TNRC6B: variants seen among roughly 807,000 people sequenced by gnomAD.
The protein encoded by TNRC6B is trinucleotide repeat-containing gene 6B protein.
Under a neutral mutation model 203.6 loss-of-function variants are expected in TNRC6B, and 52 were observed. The ratio of observed to expected loss-of-function variants is 0.26; its 90% CI spans 0.20 to 0.32. TNRC6B has a LOEUF of 0.32. TNRC6B is among the 10% of genes least tolerant of loss of function. The probability of loss-of-function intolerance (pLI) is 1.00; values close to 1 mark genes in which losing one functional copy is unlikely to be tolerated. For missense variants in TNRC6B, 1,923 were observed against 2,286.2 expected (o/e 0.84, Z 3.24); for synonymous variants, 838 against 845.7 (o/e 0.99, Z 0.16).
rs1296431454 is a variant in TNRC6B, at chr22:40,285,719, T to C, written c.3657T>C (p.Asn1219=). Residue 1219 remains asparagine (N), a synonymous_variant, in exon 12 of 23, where the codon AAT becomes AAC. Transcript: ENST00000454349. ...TGCACACACCCGTGCAGCCACTAAA[T>C]TCTTCTCCCAGTCTCCGGGCGCAAG... The part of the protein sequence containing the change: ...RGLHTPVQPL[N]SSPSLRAQVP... The C allele has an allele frequency of 1.8e-5, 29 of 1,614,010 alleles. 1 individual carries two copies. The South Asian group carries it at 2.7e-4, about 15-fold the overall frequency.
intron 20 of TNRC6B, 148 bp from the exon 21 acceptor site, chr22:40,315,794 G>A (rs1260981860): frequency 2.9e-6 from 2 of 692,966 alleles, no homozygotes; most frequent in East Asian, 2.7e-5. Flanking sequence ...GGGACCAGTA[G>A]AAGAGAAAAA....
chr22:40,301,394 G>C (rs990360319), intron 15 of TNRC6B, 61 bp downstream of exon 15: 90 of 1,529,680 alleles, frequency 5.9e-5, no homozygotes, highest in Non-Finnish European at 7.4e-5. Flanking sequence ...CCTGTGGTAG[G>C]GGTTGCACCT....
chr22:40,195,531 T>G lies in TNRC6B; in HGVS notation c.5+17391T>G, dbSNP rs137957425. Among the ~76,000 whole-genome samples the G allele has an allele frequency of 2.6e-3, 389 of 150,682 alleles. 2 individuals are homozygous for G. Among genetic ancestry groups the G allele is most frequent in the African/African-American group, 8.2e-3 (337 of 40,918 alleles). On this transcript the variant is annotated intron_variant, in intron 1 of 22. Coordinates refer to ENST00000454349, the MANE Select transcript of TNRC6B (RefSeq NM_001162501.2). The stretch of plus-strand genomic sequence containing the variant: ...AGGCTGGAGTGCAATGGCACGATCT[T>G]AGCTCACTACAGCCTCAAACTGGAG...
At chr22:40,202,898 T>G (rs1407822606) in intron 1 of TNRC6B, among the ~76,000 whole-genome samples, 2 of 152,176 alleles carry the variant, frequency 1.3e-5, no homozygotes, top group Non-Finnish European at 2.9e-5. Flanking sequence ...TCCACACATT[T>G]TGTCTTTTCT....
intron 1 of TNRC6B, among the ~76,000 whole-genome samples, chr22:40,199,207 A>G (rs1341044496): frequency 6.6e-6 from 1 of 152,144 alleles, no homozygotes; most frequent in East Asian, 1.9e-4. Context: ...AGCTTCACCT[A>G]CTTTGTAAGA....
chr22:40,059,275 A>C (rs540055842), intron 1 of TNRC6B, among the ~76,000 whole-genome samples: 1 of 152,312 alleles, frequency 6.6e-6, no homozygotes, highest in South Asian at 2.1e-4. Context: ...CGCCTCCTTC[A>C]TTTGGATATA....
chr22:40,275,242 C>T (rs1167062377), intron 7 of TNRC6B, among the ~76,000 whole-genome samples: 1 of 152,212 alleles, frequency 6.6e-6, no homozygotes, highest in Non-Finnish European at 1.5e-5. Flanking sequence ...AACTTTTCAG[C>T]ATTCCTTGCA....
intron 1 of TNRC6B, among the ~76,000 whole-genome samples, chr22:40,193,722 T>C (rs994079163): frequency 1.3e-5 from 2 of 152,104 alleles, no homozygotes; most frequent in Non-Finnish European, 2.9e-5. Context: ...AATATGGAAA[T>C]GGAGGGAAGG....
intron 1 of TNRC6B, among the ~76,000 whole-genome samples, chr22:40,088,933 C>G (rs1038294360): frequency 6.6e-6 from 1 of 151,978 alleles, no homozygotes; most frequent in Non-Finnish European, 1.5e-5. Flanking sequence ...CTCACTAATT[C>G]GAACTTTACA....
At chr22:40,187,963 T>C (rs2146389696) in intron 1 of TNRC6B, among the ~76,000 whole-genome samples, 1 of 152,314 alleles carries the variant, frequency 6.6e-6, no homozygotes, top group Non-Finnish European at 1.5e-5. Flanking sequence ...CTCACGCCTG[T>C]AGTCCCAGCA....
chr22:40,120,867 C>T (rs1186533761), intron 2 of TNRC6B, among the ~76,000 whole-genome samples: 1 of 152,150 alleles, frequency 6.6e-6, no homozygotes, highest in Non-Finnish European at 1.5e-5. Context: ...CGCCCACCAC[C>T]ACTAGTCTGG....
At chr22:40,286,533 G>C (rs2070785027) in intron 12 of TNRC6B, among the ~76,000 whole-genome samples, 1 of 151,992 alleles carries the variant, frequency 6.6e-6, no homozygotes, top group Admixed American at 6.6e-5. Flanking sequence ...AATGAGAATT[G>C]CCAGATTCTG....
intron 1 of TNRC6B, among the ~76,000 whole-genome samples, chr22:40,077,541 C>T (rs2068027461): frequency 6.6e-6 from 1 of 152,136 alleles, no homozygotes; most frequent in Non-Finnish European, 1.5e-5. Context: ...TTCTGAATCA[C>T]ACATACGGTG....
At chr22:40,302,624 C>T (rs1465909507) in intron 15 of TNRC6B, among the ~76,000 whole-genome samples, 1 of 148,014 alleles carries the variant, frequency 6.8e-6, no homozygotes, top group Non-Finnish European at 1.5e-5. Flanking sequence ...TAGAGCAAGA[C>T]CCCATCTCAA....
intron 15 of TNRC6B, among the ~76,000 whole-genome samples, chr22:40,301,945 C>T (rs373345831): frequency 2.6e-5 from 4 of 152,294 alleles, no homozygotes; most frequent in East Asian, 1.9e-4. Flanking sequence ...GTGAGTGGTA[C>T]ACATGGCTGA....
At chr22:40,048,184 C>G (rs1021631168) in intron 1 of TNRC6B, among the ~76,000 whole-genome samples, 2 of 152,150 alleles carry the variant, frequency 1.3e-5, no homozygotes, top group African/African-American at 4.8e-5. Context: ...CTTCACTACA[C>G]AGTCATTCTT....
intron 1 of TNRC6B, among the ~76,000 whole-genome samples, chr22:40,088,584 T>TTTTGTG (rs762534815): frequency 8.0e-5 from 10 of 125,230 alleles, no homozygotes; most frequent in East Asian, 2.4e-4. Context: ...GCGGCTACTT[T>TTTTGTG]TGTGTGTGTG....
chr22:40,221,098 C>T (rs548407778), intron 1 of TNRC6B, among the ~76,000 whole-genome samples: 2 of 152,148 alleles, frequency 1.3e-5, no homozygotes, highest in Non-Finnish European at 1.5e-5. Context: ...CCAACTCTGT[C>T]GATACCTGTA....
At chr22:40,285,527 T>C in intron 11 of TNRC6B, 118 bp from the exon 12 acceptor site, 1 of 1,246,900 alleles carries the variant, frequency 8.0e-7, no homozygotes, top group Admixed American at 2.9e-5. Context: ...TACAAAATTC[T>C]GTTATTCCAT....
Sources: gnomAD v4.1 joint callset for allele counts (sites outside exome capture counted in the v4.1 genomes callset) on GRCh38, gnomAD v4.1.1 for gene constraint, MANE v1.5 for transcripts, NCBI Gene and HGNC (gene_info 2026-07-23, HGNC 2026-07-21) for gene names.